MSRA: variants seen among roughly 807,000 people sequenced by gnomAD.
MSRA encodes methionine sulfoxide reductase A, also known as mitochondrial peptide methionine sulfoxide reductase.
Under a neutral mutation model 31.3 loss-of-function variants are expected in MSRA, and 54 were observed. The ratio of observed to expected loss-of-function variants is 1.73; its 90% CI spans 1.39 to 2.17. The LOEUF (loss-of-function observed/expected upper bound fraction) is 2.17. Ranked by LOEUF, MSRA falls within the 30% of genes most tolerant of loss-of-function variation. The pLI, the probability that MSRA is intolerant of heterozygous loss-of-function variation, is 0.00. For synonymous variants in MSRA, 169 were observed against 116.5 expected (o/e 1.45, Z -2.90); for missense variants, 507 against 300.9 (o/e 1.69, Z -5.07).
intron 5 of MSRA, among the ~76,000 whole-genome samples, chr8:10,370,767 C>A (rs1047017009): frequency 2.0e-5 from 3 of 152,216 alleles, no homozygotes; most frequent in Non-Finnish European, 4.4e-5. Context: ...AAAGATGCCC[C>A]ATGGCATTCA....
At chr8:10,233,035 T>C (rs985365176) in intron 2 of MSRA, among the ~76,000 whole-genome samples, 25 of 152,364 alleles carry the variant, frequency 1.6e-4, no homozygotes, top group African/African-American at 5.5e-4. Flanking sequence ...GGTAAATTCA[T>C]TGTGTCTATG....
At chr8:10,325,357 G>C (rs1163220941) in intron 5 of MSRA, among the ~76,000 whole-genome samples, 6 of 151,796 alleles carry the variant, frequency 4.0e-5, no homozygotes, top group Non-Finnish European at 5.9e-5. Flanking sequence ...ATAATATATA[G>C]CTATATAATA....
chr8:10,373,788 G>T (rs967270753), intron 5 of MSRA, among the ~76,000 whole-genome samples: 2 of 152,250 alleles, frequency 1.3e-5, no homozygotes, highest in African/African-American at 4.8e-5. Flanking sequence ...GCACTTTGGA[G>T]CCCAGCAGAG....
At chr8:10,261,793 C>A (rs2975680) in intron 3 of MSRA, among the ~76,000 whole-genome samples, 131,751 of 152,150 alleles carry the variant, frequency 0.87, 57,506 homozygotes, top group East Asian at 0.96. Context: ...TTGTATAATA[C>A]GTGTATCTAC....
chr8:10,330,562 G>A (rs1802637098), intron 5 of MSRA, among the ~76,000 whole-genome samples: 1 of 152,098 alleles, frequency 6.6e-6, no homozygotes. Flanking sequence ...CATTACAGTT[G>A]CTTTAAACAA....
intron 5 of MSRA, among the ~76,000 whole-genome samples, chr8:10,426,307 A>G (rs959942202): frequency 1.3e-5 from 2 of 152,236 alleles, no homozygotes; most frequent in African/African-American, 4.8e-5. Context: ...TGGATTCTAC[A>G]GAAGGAATTC....
intron 1 of MSRA, among the ~76,000 whole-genome samples, chr8:10,170,037 C>A (rs1259498714): frequency 7.8e-6 from 1 of 128,330 alleles, no homozygotes; most frequent in African/African-American, 3.3e-5. Context: ...CTACGCCTGG[C>A]TAATATTTTT....
intron 1 of MSRA, among the ~76,000 whole-genome samples, chr8:10,123,731 C>G (rs1014312878): frequency 6.6e-6 from 1 of 151,976 alleles, no homozygotes; most frequent in Non-Finnish European, 1.5e-5. Context: ...CCAGTTATCC[C>G]GGCACCATTT....
At chr8:10,118,012 C>T (rs1018494858) in intron 1 of MSRA, among the ~76,000 whole-genome samples, 2 of 152,140 alleles carry the variant, frequency 1.3e-5, no homozygotes, top group Admixed American at 6.5e-5. Flanking sequence ...TTTCATCAGT[C>T]AGGAAAGATA....
At chr8:10,365,374 A>G (rs1229650307) in intron 5 of MSRA, among the ~76,000 whole-genome samples, 1 of 152,206 alleles carries the variant, frequency 6.6e-6, no homozygotes, top group Non-Finnish European at 1.5e-5. Context: ...ACTGCCAGCC[A>G]TCTGCCATCC....
intron 1 of MSRA, among the ~76,000 whole-genome samples, chr8:10,172,621 A>C (rs774492527): frequency 6.6e-6 from 1 of 152,190 alleles, no homozygotes; most frequent in Non-Finnish European, 1.5e-5. Context: ...AGGGGGCAAA[A>C]GAAATGGCTC....
At chr8:10,192,543 G>C (rs1393928736) in intron 1 of MSRA, among the ~76,000 whole-genome samples, 4 of 152,232 alleles carry the variant, frequency 2.6e-5, no homozygotes, top group African/African-American at 9.6e-5. Flanking sequence ...TGCAACAAGG[G>C]AGTTCCTCCT....
intron 1 of MSRA, among the ~76,000 whole-genome samples, chr8:10,205,087 C>T (rs1030677581): frequency 3.9e-5 from 6 of 152,100 alleles, no homozygotes; most frequent in African/African-American, 1.4e-4. Flanking sequence ...AGAGCTTTGA[C>T]TGTGGCCTGA....
At chr8:10,326,031 C>T (rs764171934) in intron 5 of MSRA, among the ~76,000 whole-genome samples, 1 of 152,206 alleles carries the variant, frequency 6.6e-6, no homozygotes, top group Non-Finnish European at 1.5e-5. Context: ...ACATACACTG[C>T]TTTCCTCTTC....
In MSRA at chr8:10,072,034, C is replaced by G. The variant is rs538396366; in HGVS notation, c.142+17376C>G. Among the ~76,000 whole-genome samples, 99 of 151,530 alleles carry G rather than the reference C, an allele frequency of 6.5e-4. 1 individual carries two copies. The Middle Eastern group carries it at 0.014, about 21-fold the overall frequency. Reference sequence around the variant, plus strand: ...TACGAGCACCCCTTTTGTACTGCAACTAAGGGACCCTGTTTCCTGGGTGGG... The same window carrying G: ...TACGAGCACCCCTTTTGTACTGCAAGTAAGGGACCCTGTTTCCTGGGTGGG... On this transcript the variant is annotated intron_variant, in intron 1 of 5. Transcript: ENST00000317173.
chr8:10,225,676 A>G (rs565434477), intron 2 of MSRA, among the ~76,000 whole-genome samples: 1 of 152,204 alleles, frequency 6.6e-6, no homozygotes, highest in African/African-American at 2.4e-5. Flanking sequence ...TGATGGGCCG[A>G]TGTTCTTTAT....
intron 3 of MSRA, among the ~76,000 whole-genome samples, chr8:10,257,339 G>A (rs758701635): frequency 3.9e-5 from 6 of 152,156 alleles, no homozygotes; most frequent in Non-Finnish European, 8.8e-5. Context: ...GAGACCTTGG[G>A]TCTCAATGCA....
chr8:10,306,667 AG>A (rs1253882206), intron 4 of MSRA, among the ~76,000 whole-genome samples: 3 of 152,202 alleles, frequency 2.0e-5, no homozygotes, highest in Admixed American at 2.0e-4. Flanking sequence ...TCAGGTTCCC[AG>A]CATTTCATGG....
At chr8:10,090,992 T>C (rs373255317) in intron 1 of MSRA, among the ~76,000 whole-genome samples, 2 of 152,236 alleles carry the variant, frequency 1.3e-5, no homozygotes, top group Non-Finnish European at 2.9e-5. Context: ...TCTGTGGGCA[T>C]TTATGTGTGC....
Sources: allele counts gnomAD v4.1 joint callset (sites outside exome capture counted in the v4.1 genomes callset), GRCh38; gene constraint gnomAD v4.1.1; transcripts MANE v1.5; gene names NCBI Gene and HGNC (gene_info 2026-07-23, HGNC 2026-07-21).